UBASH3B: variants seen among roughly 807,000 people sequenced by gnomAD.
UBASH3B encodes the protein ubiquitin-associated and SH3 domain-containing protein B.
UBASH3B carries 37 observed loss-of-function variants against 83.4 expected under a neutral mutation model. The observed-to-expected ratio is 0.44, with a 90% CI of 0.34 to 0.58. UBASH3B has a LOEUF of 0.58. Ranked by LOEUF, UBASH3B falls within the 20% of genes least tolerant of loss-of-function variation. UBASH3B has a pLI of 0.01. For synonymous variants in UBASH3B, 304 were observed against 318.3 expected (o/e 0.96, Z 0.48); for missense variants, 657 against 827.2 (o/e 0.79, Z 2.52).
At chr11:122,756,726 G>A (rs942619349) in intron 1 of UBASH3B, among the ~76,000 whole-genome samples, 1 of 152,194 alleles carries the variant, frequency 6.6e-6, no homozygotes, top group Admixed American at 6.5e-5. Context: ...ATACTGCAGA[G>A]CCAAAGGCAA....
At chr11:122,745,961 G>A (rs1298882910) in intron 1 of UBASH3B, among the ~76,000 whole-genome samples, 1 of 152,212 alleles carries the variant, frequency 6.6e-6, no homozygotes, top group African/African-American at 2.4e-5. Flanking sequence ...AGCTCCTTGA[G>A]GCCAGAGACT....
intron 1 of UBASH3B, among the ~76,000 whole-genome samples, chr11:122,738,438 A>T (rs1182307309): frequency 6.6e-6 from 1 of 152,180 alleles, no homozygotes; most frequent in Non-Finnish European, 1.5e-5. Flanking sequence ...ACAGAGGAGA[A>T]GACAGGCTTT....
intron 1 of UBASH3B, among the ~76,000 whole-genome samples, chr11:122,700,185 C>T (rs893023327): frequency 2.0e-5 from 3 of 152,144 alleles, no homozygotes; most frequent in African/African-American, 7.2e-5. Context: ...AGGAAGAGGT[C>T]AGTCTCTTAT....
rs750256698 is a variant in UBASH3B at position 122,656,143 on chromosome 11, C to A, written c.94C>A (p.Pro32Thr). Residue 32 changes from proline (P) to threonine (T), a missense_variant, in exon 1 of 14, where the codon CCC becomes ACC. Transcript: ENST00000284273. Reference sequence around the variant, plus strand: ...CCCCCGGAGGAACCGCCAACAGCGCCCCGGCACCATCAAGCATGGATCGGC... The same window carrying A: ...CCCCCGGAGGAACCGCCAACAGCGCACCGGCACCATCAAGCATGGATCGGC... The part of the protein sequence containing the change: ...VTPRRNRQQR[P>T]GTIKHGSALD... The A allele has an allele frequency of 3.3e-5, 53 of 1,589,426 alleles. No homozygotes were observed. Among genetic ancestry groups the A allele is most frequent in the Middle Eastern group, 1.8e-4 (1 of 5,518 alleles).
At chr11:122,796,532 G>A (rs1466913377) in intron 8 of UBASH3B, among the ~76,000 whole-genome samples, 6 of 152,150 alleles carry the variant, frequency 3.9e-5, no homozygotes, top group Admixed American at 6.5e-5. Context: ...AAAGTCAGCA[G>A]CAGAAACGTG....
chr11:122,666,060 G>A lies in UBASH3B; in HGVS notation c.161+9850G>A, dbSNP rs1285319059. On this transcript the variant is annotated intron_variant, in intron 1 of 13. Transcript: ENST00000284273. ...AGAGTGGGAAGCTGAAAGAACCACC[G>A]CTGTAGCCTCTCATGGCAGTCTGGA... is the stretch of plus-strand genomic sequence containing the variant. Among the ~76,000 whole-genome samples the A allele has an allele frequency of 2.0e-5, 3 of 152,204 alleles. No individual in the cohort carries two copies. In the East Asian group the frequency reaches 5.8e-4, roughly 29 times the overall value.
chr11:122,715,919 T>C (rs1225879436), intron 1 of UBASH3B, among the ~76,000 whole-genome samples: 1 of 152,250 alleles, frequency 6.6e-6, no homozygotes, highest in African/African-American at 2.4e-5. Context: ...CCTTGAATTG[T>C]AGTCAAAATT....
intron 1 of UBASH3B, among the ~76,000 whole-genome samples, chr11:122,679,373 T>C (rs1442727037): frequency 1.3e-5 from 2 of 152,234 alleles, no homozygotes; most frequent in Admixed American, 6.5e-5. Flanking sequence ...CACCAAAGGA[T>C]GGTGAGCAAG....
intron 1 of UBASH3B, among the ~76,000 whole-genome samples, chr11:122,738,979 G>A (rs1860980852): frequency 6.6e-6 from 1 of 152,150 alleles, no homozygotes; most frequent in Non-Finnish European, 1.5e-5. Context: ...TTGTACAGGA[G>A]TGGAAGGGTT....
intron 5 of UBASH3B, among the ~76,000 whole-genome samples, chr11:122,787,307 G>A (rs527394807): frequency 6.6e-6 from 1 of 152,276 alleles, no homozygotes; most frequent in African/African-American, 2.4e-5. Flanking sequence ...GCTTGTTTGG[G>A]GAGGTGGTTT....
At chr11:122,680,364 A>G (rs185086200) in intron 1 of UBASH3B, among the ~76,000 whole-genome samples, 182 of 152,384 alleles carry the variant, frequency 1.2e-3, no homozygotes, top group Admixed American at 1.6e-3. Flanking sequence ...AGATCAGGAA[A>G]TAGAGACTCA....
At chr11:122,681,657 T>C (rs1863740830) in intron 1 of UBASH3B, among the ~76,000 whole-genome samples, 1 of 151,784 alleles carries the variant, frequency 6.6e-6, no homozygotes, top group African/African-American at 2.4e-5. Flanking sequence ...GCAGGGGTAA[T>C]AGGCACAGGT....
At chr11:122,774,521 C>T (rs746942047) in intron 1 of UBASH3B, among the ~76,000 whole-genome samples, 3 of 152,192 alleles carry the variant, frequency 2.0e-5, no homozygotes, top group Non-Finnish European at 2.9e-5. Flanking sequence ...CAGATGACCT[C>T]TGAGGTCCCT....
intron 4 of UBASH3B, among the ~76,000 whole-genome samples, chr11:122,780,865 C>G (rs1166411943): frequency 6.6e-6 from 1 of 152,190 alleles, no homozygotes; most frequent in Non-Finnish European, 1.5e-5. Context: ...GTACAATTCC[C>G]CTACCCCTAA....
In UBASH3B at chr11:122,702,815, C is replaced by T. The variant is rs536382655; in HGVS notation, c.161+46605C>T. On this transcript the variant is annotated intron_variant, in intron 1 of 13. Transcript: ENST00000284273. Reference sequence around the variant, plus strand: ...GCTGGGGATTACAGGCGTGAGCCACCGTGCCTGGCCAGATTTTTAACTCAG... The same window carrying T: ...GCTGGGGATTACAGGCGTGAGCCACTGTGCCTGGCCAGATTTTTAACTCAG... Among the ~76,000 whole-genome samples the T allele has an allele frequency of 2.6e-4, 39 of 152,196 alleles. No homozygotes were observed. The South Asian group carries it at 6.8e-3, about 27-fold the overall frequency.
At chr11:122,720,780 A>C (rs1041770206) in intron 1 of UBASH3B, among the ~76,000 whole-genome samples, 3 of 152,122 alleles carry the variant, frequency 2.0e-5, no homozygotes, top group Non-Finnish European at 4.4e-5. Flanking sequence ...TTTCCATGCA[A>C]AATAGGAATC....
rs150517579 is a variant in UBASH3B at position 122,808,719 on chromosome 11, C to T, written c.1812+543C>T. ...CTGGTCAGCTGCCTCCCACACACTT[C>T]CCTTCAGGCAAATTACATACTTCCT... On this transcript the variant is annotated intron_variant, in intron 13 of 13. Transcript: ENST00000284273. Among the ~76,000 whole-genome samples, 737 of 152,330 alleles carry T rather than the reference C, an allele frequency of 4.8e-3. 10 individuals are homozygous for T. Among genetic ancestry groups the T allele is most frequent in the African/African-American group, 0.017 (687 of 41,570 alleles).
At chr11:122,750,519 G>T (rs542773807) in intron 1 of UBASH3B, among the ~76,000 whole-genome samples, 1 of 152,172 alleles carries the variant, frequency 6.6e-6, no homozygotes, top group Non-Finnish European at 1.5e-5. Flanking sequence ...TCTCCATGAG[G>T]TAAGGAACCA....
In UBASH3B at chr11:122,768,933, G is replaced by T. The variant is rs75573702; in HGVS notation, c.162-7286G>T. Among the ~76,000 whole-genome samples, 1,256 of 152,320 alleles carry T rather than the reference G, an allele frequency of 8.2e-3. 20 individuals are homozygous for T. The highest frequency in any genetic ancestry group is 0.029 in the African/African-American group (1,214 of 41,568). On this transcript the variant is annotated intron_variant, in intron 1 of 13. Transcript: ENST00000284273. ...ACCAACCCCTGTTACGGGACAACCAGAGATGACTTGACTGCTGGCCGTTCA... is the reference window on the plus strand; with the variant it reads ...ACCAACCCCTGTTACGGGACAACCATAGATGACTTGACTGCTGGCCGTTCA...
Sources: gnomAD v4.1 joint callset for allele counts (sites outside exome capture counted in the v4.1 genomes callset) on GRCh38, gnomAD v4.1.1 for gene constraint, MANE v1.5 for transcripts, NCBI Gene and HGNC (gene_info 2026-07-23, HGNC 2026-07-21) for gene names.